Variants in PDE4D observed in about 807,000 individuals in gnomAD.
The protein encoded by PDE4D is 3',5'-cyclic-AMP phosphodiesterase 4D.
A neutral mutation model predicts 87.4 loss-of-function variants in PDE4D; 24 were observed. The observed-to-expected ratio is 0.27, with a 90% CI of 0.20 to 0.39. PDE4D has a LOEUF of 0.39. PDE4D is among the 10% of genes least tolerant of loss of function. PDE4D has a pLI of 1.00. For missense variants in PDE4D, 714 were observed against 1,041.0 expected (o/e 0.69, Z 4.32); for synonymous variants, 384 against 383.2 (o/e 1.00, Z -0.02).
intron 1 of PDE4D, among the ~76,000 whole-genome samples, chr5:60,433,273 C>T (rs1744501815): frequency 6.6e-6 from 1 of 151,954 alleles, no homozygotes; most frequent in Non-Finnish European, 1.5e-5. Flanking sequence ...TGGGCAAAGA[C>T]ACTTTTCAAA....
intron 2 of PDE4D, among the ~76,000 whole-genome samples, chr5:60,095,952 C>G (rs534675954): frequency 1.3e-4 from 20 of 152,054 alleles, no homozygotes. Context: ...TGTTTTTCTT[C>G]TTGTAAATTT....
At chr5:60,399,772 C>T (rs746211885) in intron 1 of PDE4D, among the ~76,000 whole-genome samples, 4 of 152,244 alleles carry the variant, frequency 2.6e-5, no homozygotes, top group African/African-American at 9.6e-5. Context: ...AGTGATGGCT[C>T]CCCAAGCTGG....
intron 1 of PDE4D, among the ~76,000 whole-genome samples, chr5:60,252,028 C>G (rs891911939): frequency 6.6e-6 from 1 of 151,942 alleles, no homozygotes; most frequent in Non-Finnish European, 1.5e-5. Context: ...CAATTGCCCA[C>G]AGTGTTCAGT....
At chr5:59,078,463 AG>A (rs1184262872) in intron 5 of PDE4D, among the ~76,000 whole-genome samples, 1 of 151,870 alleles carries the variant, frequency 6.6e-6, no homozygotes, top group Non-Finnish European at 1.5e-5. Flanking sequence ...TCCAAAACTC[AG>A]GCTGAAGTTT....
intron 2 of PDE4D, among the ~76,000 whole-genome samples, chr5:59,989,007 G>T (rs1762733299): frequency 6.7e-6 from 1 of 149,484 alleles, no homozygotes; most frequent in Non-Finnish European, 1.5e-5. Flanking sequence ...TAAAATCAAG[G>T]ATAAATCAAA....
chr5:59,047,628 C>G (rs532669060), intron 5 of PDE4D, among the ~76,000 whole-genome samples: 2 of 152,276 alleles, frequency 1.3e-5, no homozygotes, highest in African/African-American at 4.8e-5. Context: ...GAAGGAGAAG[C>G]TGCAGAAAGT....
At chr5:60,303,650 C>T (rs1754148450) in intron 1 of PDE4D, among the ~76,000 whole-genome samples, 2 of 152,074 alleles carry the variant, frequency 1.3e-5, no homozygotes, top group African/African-American at 2.4e-5. Context: ...TTTGATTGTG[C>T]TGTGATCTGA....
chr5:59,694,532 A>T (rs1751463698), intron 1 of PDE4D, among the ~76,000 whole-genome samples: 1 of 152,226 alleles, frequency 6.6e-6, no homozygotes, highest in Non-Finnish European at 1.5e-5. Context: ...ATGCTACAGG[A>T]ATTAAAAGAA....
intron 5 of PDE4D, among the ~76,000 whole-genome samples, chr5:59,108,953 C>A: frequency 1.1e-5 from 1 of 94,386 alleles, no homozygotes; most frequent in Non-Finnish European, 2.2e-5. Flanking sequence ...CATAGGAACT[C>A]AATGTGTGTG....
At chr5:60,297,490 C>T (rs1049322566) in intron 1 of PDE4D, among the ~76,000 whole-genome samples, 16 of 152,048 alleles carry the variant, frequency 1.1e-4, no homozygotes, top group Non-Finnish European at 1.6e-4. Context: ...TTCAATATAT[C>T]GAGAAGTATG....
chr5:60,516,086 A>G (rs1242527791), intron 1 of PDE4D, among the ~76,000 whole-genome samples: 1 of 152,230 alleles, frequency 6.6e-6, no homozygotes, highest in Non-Finnish European at 1.5e-5. Context: ...ACTTGTGCTC[A>G]GATTAAGCCT....
chr5:59,845,871 C>T (rs1428861374), intron 1 of PDE4D, among the ~76,000 whole-genome samples: 2 of 151,934 alleles, frequency 1.3e-5, no homozygotes, highest in Admixed American at 6.6e-5. Context: ...AGTTCTTTTC[C>T]CTGGGTTTCA....
At chr5:60,254,273 A>G (rs946928263) in intron 1 of PDE4D, among the ~76,000 whole-genome samples, 1 of 151,852 alleles carries the variant, frequency 6.6e-6, no homozygotes, top group Non-Finnish European at 1.5e-5. Flanking sequence ...TCTTTCCTTC[A>G]TGGTTTCATG....
chr5:59,250,824 A>G (rs112764155), intron 1 of PDE4D, among the ~76,000 whole-genome samples: 5,637 of 152,286 alleles, frequency 0.037, 180 homozygotes, highest in Admixed American at 0.098. Context: ...TACTGGTACA[A>G]GAACAGCCAG....
At position 60,305,038 on chromosome 5, in the gene PDE4D, T is replaced by TATAC. The variant is rs1554202216; in HGVS notation, c.-89-119352_-89-119351insGTAT. Among the ~76,000 whole-genome samples the TATAC allele has an allele frequency of 3.5e-3, 475 of 135,930 alleles. 5 individuals carry two copies. Among genetic ancestry groups the TATAC allele is most frequent in the African/African-American group, 0.012 (453 of 39,138 alleles). The allele number at this position is 135,930 out of a possible 152,430, so 89.2% of individuals were successfully genotyped here. A position where few individuals can be genotyped will look rare whatever the true frequency, so the allele number is the denominator to read the frequency against. ...CTCTAGTTATTTTAGTTTTGAGCTA[T>TATAC]ACACACACACACACACACACACACA... is the stretch of plus-strand genomic sequence containing the variant. On this transcript the variant is annotated intron_variant, in intron 1 of 16. Transcript: ENST00000502484.
intron 3 of PDE4D, among the ~76,000 whole-genome samples, chr5:59,939,539 C>T (rs930347511): frequency 1.3e-5 from 2 of 152,146 alleles, no homozygotes; most frequent in African/African-American, 2.4e-5. Context: ...AAAAATACAT[C>T]TGACCTCGTG....
chr5:59,993,526 C>G (rs1259810173), intron 2 of PDE4D, among the ~76,000 whole-genome samples: 2 of 152,076 alleles, frequency 1.3e-5, no homozygotes, highest in Non-Finnish European at 2.9e-5. Flanking sequence ...AGAGTGCTCC[C>G]ATTTTTATAA....
At chr5:60,344,044 G>A (rs2149904612) in intron 1 of PDE4D, among the ~76,000 whole-genome samples, 1 of 151,540 alleles carries the variant, frequency 6.6e-6, no homozygotes, top group Middle Eastern at 3.4e-3. Flanking sequence ...CAGGATTACA[G>A]AGTTATAAAC....
At chr5:59,160,814 T>A (rs1376049815) in intron 5 of PDE4D, among the ~76,000 whole-genome samples, 4 of 152,022 alleles carry the variant, frequency 2.6e-5, no homozygotes, top group East Asian at 3.9e-4. Context: ...ATAGTTGTTT[T>A]TGGCCGGGTG....
Sources: gnomAD v4.1 joint callset for allele counts (sites outside exome capture counted in the v4.1 genomes callset) on GRCh38, gnomAD v4.1.1 for gene constraint, MANE v1.5 for transcripts, NCBI Gene and HGNC (gene_info 2026-07-23, HGNC 2026-07-21) for gene names.